The following KRT74 variants were observed in gnomAD, a reference collection of about 807,000 sequenced individuals.
KRT74 encodes the protein keratin 74, also known as keratin, type II cytoskeletal 74.
KRT74 carries 43 observed loss-of-function variants against 42.7 expected under a neutral mutation model. The ratio of observed to expected loss-of-function variants is 1.01; its 90% CI spans 0.79 to 1.30. The LOEUF is 1.30. Among genes scored for constraint, KRT74 ranks in the 50% most tolerant of loss-of-function variants. KRT74 has a pLI of 0.00. For missense variants in KRT74, 736 were observed against 689.1 expected, an observed-to-expected ratio of 1.07 and a Z score of -0.76; for synonymous variants, 302 against 279.0, an observed-to-expected ratio of 1.08 and a Z score of -0.82.
intron 4 of KRT74, 28 bp downstream of exon 4, chr12:52,571,331 G>A: frequency 1.5e-6 from 2 of 1,355,422 alleles, no homozygotes; most frequent in South Asian, 1.2e-5. Flanking sequence ...GAGGCAGGGT[G>A]AGGGTGGGGG....
At position 52,568,267 on chromosome 12, in the gene KRT74, C is replaced by T. The variant is rs143744119; in HGVS notation, c.1257G>A (p.Ala419=). 1,972 of 1,614,170 alleles carry T rather than the reference C, an allele frequency of 1.2e-3. 21 individuals carry two copies. In the African/African-American group the frequency reaches 0.022, roughly 18 times the overall value. Residue 419 remains alanine, a synonymous_variant, in exon 7 of 9, where the codon GCG becomes GCA. Transcript: ENST00000305620. ...GALHQAKEEL[A]RMLREYQELM... ...GCTCCTGGTACTCGCGCAGCATCCGCGCCAGCTCCTCCTTGGCCTGGTGCA... is the reference window on the plus strand; with the variant it reads ...GCTCCTGGTACTCGCGCAGCATCCGTGCCAGCTCCTCCTTGGCCTGGTGCA...
Position 52,572,663 on chromosome 12 carries a change from C to T in KRT74, c.476G>A (p.Arg159His), listed in dbSNP as rs577186003. 9.9e-6 allele frequency: 16 copies of T among 1,613,980 alleles called. No individual in the cohort carries two copies. The highest frequency in any genetic ancestry group is 2.7e-5 in the African/African-American group (2 of 74,910). Residue 159 changes from arginine to histidine, a missense_variant, in exon 2 of 9, where the codon CGC (arginine) becomes CAC (histidine). By Grantham distance (29) the Arg-to-His change is conservative. Coordinates refer to ENST00000305620, the MANE Select transcript of KRT74 (RefSeq NM_175053.4). Reference protein sequence around the residue: ...DKFASFIDKVRFLEQQNQVLE... With the variant: ...DKFASFIDKVHFLEQQNQVLE... ...AACCTGGTTCTGCTGCTCTAGGAAG[C>T]GTACCTGGAACCCAAATCAACAGAC...
Position 52,573,716 on chromosome 12 carries a change from G to C in KRT74, c.62C>G (p.Ala21Gly). ...ACCCACAGCCTTCCTTGGCACCACT[G>C]CCGAATGCACACTGAAGTTGCCCTT... is the stretch of plus-strand genomic sequence containing the variant. ...GDKGNFSVHS[A>G]VVPRKAVGSL... Residue 21 changes from alanine to glycine, a missense_variant, in exon 1 of 9, where the codon GCA (alanine) becomes GGA (glycine). Ala to Gly is a moderately conservative substitution (Grantham distance 60, BLOSUM62 0). Coordinates refer to ENST00000305620, the MANE Select transcript of KRT74 (RefSeq NM_175053.4). 6.2e-7 allele frequency: 1 copy of C among 1,614,120 alleles called. No individual in the cohort carries two copies. Among genetic ancestry groups the C allele is most frequent in the Non-Finnish European group, 8.5e-7 (1 of 1,180,046 alleles).
At position 52,570,941 on chromosome 12, in the gene KRT74, G is replaced by A. The variant is rs118062262; in HGVS notation, c.844-108C>T. ...GGCCCAATAGGCTGCTAGGATCCAC[G>A]GGGACAAAGTAGGGGGAAGAAGTGC... is the stretch of plus-strand genomic sequence containing the variant. On this transcript the variant is annotated intron_variant, in intron 4 of 8. Coordinates refer to ENST00000305620, the MANE Select transcript of KRT74 (RefSeq NM_175053.4). The A allele has an allele frequency of 2.3e-4, 300 of 1,276,930 alleles. No homozygotes were observed. In the East Asian group the frequency reaches 6.6e-3, roughly 28 times the overall value. The allele number at this position is 1,276,930 out of a possible 1,614,324, so 79.1% of individuals were successfully genotyped here. A position where few individuals can be genotyped will look rare whatever the true frequency, so the allele number is the denominator to read the frequency against.
Position 52,568,292 on chromosome 12 carries a change from A to G in KRT74, c.1232T>C (p.Leu411Pro), listed in dbSNP as rs367601568. The change falls in exon 7 of 9, where the codon CTG becomes CCG. Residue 411 changes from leucine to proline, a missense_variant. Transcript: ENST00000305620. Reference sequence around the variant, plus strand: ...CGCCAGCTCCTCCTTGGCCTGGTGCAGGGCGCCCTCCAGCTCATCCAGCTT... The same window carrying G: ...CGCCAGCTCCTCCTTGGCCTGGTGCGGGGCGCCCTCCAGCTCATCCAGCTT... The part of the protein sequence containing the change: ...QAKLDELEGA[L>P]HQAKEELARM... The G allele has an allele frequency of 2.5e-6, 4 of 1,614,048 alleles. No homozygotes were observed. The highest frequency in any genetic ancestry group is 3.4e-6 in the Non-Finnish European group (4 of 1,180,038).
intron 7 of KRT74, 127 bp downstream of exon 7, chr12:52,568,042 G>C: frequency 1.8e-6 from 2 of 1,126,236 alleles, no homozygotes; most frequent in South Asian, 2.7e-5. Flanking sequence ...AGCTGCCTCT[G>C]AGTTCACGAA....
Position 52,572,644 on chromosome 12 carries a change from G to C in KRT74, c.495C>G (p.Asn165Lys), listed in dbSNP as rs11170177. ...GCTCCCACTTGGTTTCTAGAACCTG[G>C]TTCTGCTGCTCTAGGAAGCGTACCT... ...IDKVRFLEQQ[N>K]QVLETKWELL... Residue 165 changes from asparagine (N) to lysine (K), a missense_variant, in exon 2 of 9, where the codon AAC becomes AAG. Asn to Lys is a moderately conservative substitution (Grantham distance 94). Transcript: ENST00000305620. 0.062 allele frequency: 99,888 copies of C among 1,613,830 alleles called. 4,760 individuals are homozygous for C. The highest frequency in any genetic ancestry group is 0.3 in the East Asian group (13,472 of 44,864).
At chr12:52,567,720 TA>T in intron 7 of KRT74, 27 bp from the exon 8 acceptor site, 2 of 1,589,228 alleles carry the variant, frequency 1.3e-6, no homozygotes, top group Non-Finnish European at 1.7e-6. Context: ...TAGAGAAAGA[TA>T]AAAACTCAGT....
chr12:52,568,695 G>C (rs1395351036), intron 6 of KRT74, among the ~76,000 whole-genome samples: 1 of 152,192 alleles, frequency 6.6e-6, no homozygotes, highest in Non-Finnish European at 1.5e-5. Flanking sequence ...AATACTACAG[G>C]TTCAGGAAAA....
chr12:52,568,029 G>T (rs1379199671), intron 7 of KRT74, 140 bp downstream of exon 7: 4 of 1,000,040 alleles, frequency 4.0e-6, no homozygotes, highest in South Asian at 1.5e-5. Flanking sequence ...ACCCCTTGCA[G>T]GAAGCTGCCT....
chr12:52,569,909 T>G lies in KRT74; in HGVS notation c.1084A>C (p.Asn362His), dbSNP rs1939446626. The change falls in exon 6 of 9, where the codon AAC becomes CAC. Residue 362 changes from asparagine (N) to histidine (H), a missense_variant. By Grantham distance (68) the Asn-to-His change is moderately conservative. Transcript: ENST00000305620. Reference protein sequence around the residue: ...KHTRSEMVELNRLIQRIRCEI... With the variant: ...KHTRSEMVELHRLIQRIRCEI... ...CACCGGATCCTCTGGATGAGCCGGT[T>G]CAGCTCCACCATCTCGCTCCTGGTG... is the stretch of plus-strand genomic sequence containing the variant. 1.2e-6 allele frequency: 2 copies of G among 1,614,202 alleles called. No homozygotes were observed. Among genetic ancestry groups the G allele is most frequent in the Non-Finnish European group, 1.7e-6 (2 of 1,180,030 alleles).
Position 52,573,373 on chromosome 12 carries a change from C to G in KRT74, c.405G>C (p.Lys135Asn), listed in dbSNP as rs1471888339. The change falls in exon 1 of 9, where the codon AAG (lysine) becomes AAC (asparagine). Residue 135 changes from lysine (K) to asparagine (N), a missense_variant. By Grantham distance (94) the Lys-to-Asn change is moderately conservative. Coordinates refer to ENST00000305620, the MANE Select transcript of KRT74 (RefSeq NM_175053.4). ...TCTGTTCCCGCTCCTGGGCGCGCAC[C>G]TTCTGGATCTCAGGGTCCAGCTCCA... ...LNVELDPEIQ[K>N]VRAQEREQIK... The G allele has an allele frequency of 3.7e-6, 6 of 1,614,094 alleles. No homozygotes were observed. The highest frequency in any genetic ancestry group is 5.1e-6 in the Non-Finnish European group (6 of 1,180,046).
At position 52,573,603 on chromosome 12, in the gene KRT74, T is replaced by C. The variant is rs2120658343; in HGVS notation, c.175A>G (p.Ile59Val). Residue 59 changes from isoleucine to valine, a missense_variant, in exon 1 of 9, where the codon ATT becomes GTT. Ile to Val is a conservative substitution (Grantham distance 29). Coordinates refer to ENST00000305620, the MANE Select transcript of KRT74 (RefSeq NM_175053.4). ...SLYSLGGNRR[I>V]SFNVAGGGVR... is the part of the protein sequence containing the mutation. ...CCGCCACCAGCCACATTGAAAGAAA[T>C]ACGCCGATTCCCTCCAAGGCTATAG... The C allele has an allele frequency of 3.7e-6, 6 of 1,614,096 alleles. No homozygotes were observed. Among genetic ancestry groups the C allele is most frequent in the Non-Finnish European group, 5.1e-6 (6 of 1,180,022 alleles).
chr12:52,571,585 C>T, intron 3 of KRT74, 131 bp from the exon 4 acceptor site: 1 of 728,462 alleles, frequency 1.4e-6, no homozygotes, highest in South Asian at 1.5e-5. Context: ...ATATCAATTT[C>T]TTCTCAGGCT....
chr12:52,572,033 G>T, intron 2 of KRT74, 29 bp from the exon 3 acceptor site: 11 of 1,507,524 alleles, frequency 7.3e-6, no homozygotes, highest in Non-Finnish European at 1.0e-5. Context: ...GATGGCCTTA[G>T]CCCCCTTAGC....
At chr12:52,571,484 A>ATGAGGGT in intron 3 of KRT74, 30 bp from the exon 4 acceptor site, 8 of 1,515,668 alleles carry the variant, frequency 5.3e-6, no homozygotes, top group East Asian at 2.3e-5. Context: ...TCATTGGGGG[A>ATGAGGGT]TGCAACCCTC....
chr12:52,569,496 G>T, intron 6 of KRT74: 1 of 608,880 alleles, frequency 1.6e-6, no homozygotes. Context: ...GCACCCAAAG[G>T]GGACATGGGG....
At position 52,573,691 on chromosome 12, in the gene KRT74, A is replaced by G. The variant is rs756105075; in HGVS notation, c.87T>C (p.Gly29=). ...CAGCTGCACAGTAAGAAGCCAGGCTACCCACAGCCTTCCTTGGCACCACTG... is the reference window on the plus strand; with the variant it reads ...CAGCTGCACAGTAAGAAGCCAGGCTGCCCACAGCCTTCCTTGGCACCACTG... ...HSAVVPRKAV[G]SLASYCAAGR... Residue 29 remains glycine, a synonymous_variant, in exon 1 of 9, where the codon GGT becomes GGC. Transcript: ENST00000305620. The G allele has an allele frequency of 4.3e-6, 7 of 1,614,164 alleles. No individual in the cohort carries two copies. The highest frequency in any genetic ancestry group is 1.1e-5 in the South Asian group (1 of 91,084).
intron 1 of KRT74, 94 bp downstream of exon 1, chr12:52,573,213 A>C (rs111554483): frequency 1.6e-6 from 2 of 1,274,416 alleles, no homozygotes; most frequent in Admixed American, 1.7e-5. Flanking sequence ...GCCCAGCTGC[A>C]CCTTTCCAGC....
Sources: allele counts gnomAD v4.1 joint callset (sites outside exome capture counted in the v4.1 genomes callset), GRCh38; gene constraint gnomAD v4.1.1; transcripts MANE v1.5; gene names NCBI Gene and HGNC (gene_info 2026-07-23, HGNC 2026-07-21).